FCHSD1: variants seen among roughly 807,000 people sequenced by gnomAD.
The protein encoded by FCHSD1 is FCH and double SH3 domains 1.
Under a neutral mutation model 101.3 loss-of-function variants are expected in FCHSD1, and 109 were observed. The ratio of observed to expected loss-of-function variants is 1.08; its 90% CI spans 0.92 to 1.26. FCHSD1 has a LOEUF of 1.26. Ranked by LOEUF, FCHSD1 falls within the 50% of genes most tolerant of loss-of-function variation. FCHSD1 has a pLI of 0.00. For missense variants in FCHSD1, 820 were observed against 895.8 expected (o/e 0.92, Z 1.08); for synonymous variants, 291 against 356.8 (o/e 0.82, Z 2.08).
Position 141,639,601 on chromosome 5 carries a change from G to GA in FCHSD1, c.*1896dup. 1 of 1,613,710 alleles carries GA rather than the reference G, an allele frequency of 6.2e-7. No individual in the cohort carries two copies. Among genetic ancestry groups the GA allele is most frequent in the Non-Finnish European group, 8.5e-7 (1 of 1,179,954 alleles). ...GTCCGTCAGGGACGCTCCAAGGAAG[G>GA]AAAAAGCCGCCCCCGGACAGGGGAG... On this transcript the variant is annotated 3_prime_UTR_variant, in exon 20 of 20. Transcript: ENST00000435817. The surrounding 1 kb of genome is among the most constrained non-coding windows in gnomAD (Gnocchi z 4.4).
At position 141,651,358 on chromosome 5, in the gene FCHSD1, G is replaced by A. The variant is rs2099908394; in HGVS notation, c.11C>T (p.Pro4Leu). The stretch of plus-strand genomic sequence containing the variant: ...CAGGGCCAAGCTCACTTTTCGGGGC[G>A]GCGGCTGCATCTCCGCTCCAGCAAG... MQP[P>L]PRKVKPAQEV... Residue 4 changes from proline to leucine, a missense_variant, in exon 1 of 20, where the codon CCG becomes CTG. By Grantham distance (98) the Pro-to-Leu change is moderately conservative. Coordinates refer to ENST00000435817, the MANE Select transcript of FCHSD1 (RefSeq NM_033449.3). 1 of 1,553,920 alleles carries A rather than the reference G, an allele frequency of 6.4e-7. No homozygotes were observed. Among genetic ancestry groups the A allele is most frequent in the Non-Finnish European group, 8.7e-7 (1 of 1,148,350 alleles).
Position 141,644,846 on chromosome 5 carries a change from GTCCCATACCCA to G in FCHSD1, c.1524+2_1524+12del. On this transcript the variant is annotated splice_donor_variant and splice_donor_5th_base_variant and intron_variant, in intron 15 of 19. Transcript: ENST00000435817. LOFTEE classifies it high-confidence loss of function. ...CCCCAACCCAAGGTCAGAGCCCGGGGTCCCATACCCACCTTGACCCATTCGTCAGCATCTCC... is the reference window on the plus strand; with the variant it reads ...CCCCAACCCAAGGTCAGAGCCCGGGGCCTTGACCCATTCGTCAGCATCTCC... 6.2e-7 allele frequency: 1 copy of G among 1,612,854 alleles called. No individual in the cohort carries two copies. The highest frequency in any genetic ancestry group is 8.5e-7 in the Non-Finnish European group (1 of 1,179,568).
intron 2 of FCHSD1, 102 bp from the exon 3 acceptor site, chr5:141,650,506 G>A (rs2154598525): frequency 7.2e-7 from 1 of 1,381,522 alleles, no homozygotes; most frequent in Non-Finnish European, 1.0e-6. Flanking sequence ...GAGCGGTTGG[G>A]GGGAGCCAGG....
In FCHSD1 at chr5:141,644,892, G is replaced by A; in HGVS notation, c.1491C>T (p.Val497=). The A allele has an allele frequency of 6.2e-7, 1 of 1,613,724 alleles. No homozygotes were observed. The highest frequency in any genetic ancestry group is 1.1e-5 in the South Asian group (1 of 91,042). Residue 497 remains valine, a synonymous_variant, in exon 15 of 20, where the codon GTC becomes GTT. Transcript: ENST00000435817. ...ATTCGTCAGCATCTCCCTCCTCTAT[G>A]ACCTCCAGCCACTCACCCTCCGTGA... ...LTITEGEWLE[V]IEEGDADEWV...
Position 141,640,718 on chromosome 5 carries a change from G to T in FCHSD1, c.*780C>A. On this transcript the variant is annotated 3_prime_UTR_variant, in exon 20 of 20. Transcript: ENST00000435817. ...CTACCAGCTGGCAGGGCCAGGGGGT[G>T]GGTGGGCGTGAAAGCCCTCCCCTCC... The T allele has an allele frequency of 6.6e-7, 1 of 1,524,472 alleles. No individual in the cohort carries two copies. The highest frequency in any genetic ancestry group is 1.2e-5 in the South Asian group (1 of 82,892). The allele number at this position is 1,524,472 out of a possible 1,614,324, so 94.4% of individuals were successfully genotyped here.
Position 141,641,763 on chromosome 5 carries a change from A to T in FCHSD1, c.1952-6T>A, listed in dbSNP as rs780126795. On this transcript the variant is annotated splice_polypyrimidine_tract_variant and splice_region_variant and intron_variant, in intron 18 of 19. Transcript: ENST00000435817. ...AGGGAAGTCCAGGGCTTTGTCTGGA[A>T]ATAAGAACCACAAGTCAGTCTTCAG... is the stretch of plus-strand genomic sequence containing the variant. 6.2e-7 allele frequency: 1 copy of T among 1,614,012 alleles called. No individual in the cohort carries two copies. The highest frequency in any genetic ancestry group is 8.5e-7 in the Non-Finnish European group (1 of 1,179,890).
Position 141,645,784 on chromosome 5 carries a change from T to G in FCHSD1, c.1298A>C (p.Asp433Ala). 1 of 1,610,752 alleles carries G rather than the reference T, an allele frequency of 6.2e-7. No individual in the cohort carries two copies. The highest frequency in any genetic ancestry group is 2.2e-5 in the East Asian group (1 of 44,744). Residue 433 changes from aspartate to alanine, a missense_variant, in exon 13 of 20, where the codon GAC (aspartate) becomes GCC (alanine). By Grantham distance (126) the Asp-to-Ala change is moderately radical. Coordinates refer to ENST00000435817, the MANE Select transcript of FCHSD1 (RefSeq NM_033449.3). Reference protein sequence around the residue: ...RLSEARLSQRDLSPTAEDAEL... With the variant: ...RLSEARLSQRALSPTAEDAEL... ...GGAGGAGCTCACGGTTGGAGAGAGG[T>G]CCCTCTGGGACAGCCGAGCCTCACT...
intron 18 of FCHSD1, chr5:141,642,105 G>C (rs1490974849): frequency 2.9e-5 from 15 of 509,862 alleles, no homozygotes; most frequent in Non-Finnish European, 5.2e-5. Flanking sequence ...TCCAGGGAGG[G>C]AGACTCCTTG....
At chr5:141,650,930 C>T (rs2099908308) in intron 2 of FCHSD1, 90 bp downstream of exon 2, 2 of 1,290,622 alleles carry the variant, frequency 1.5e-6, no homozygotes, top group East Asian at 2.5e-5. Context: ...GCTCTTGGCC[C>T]CTGTTCCTCC....
intron 18 of FCHSD1, chr5:141,642,488 C>T: frequency 1.6e-6 from 1 of 625,648 alleles, no homozygotes; most frequent in South Asian, 1.8e-5. Context: ...CAAACAAGCA[C>T]ATGTACCTCC....
rs950238702 is a variant in FCHSD1 at position 141,641,289 on chromosome 5, C to T, written c.*209G>A. On this transcript the variant is annotated 3_prime_UTR_variant, in exon 20 of 20. Coordinates refer to ENST00000435817, the MANE Select transcript of FCHSD1 (RefSeq NM_033449.3). ...GTCATGACAGAAGAGAAGGTAGTTC[C>T]GGTCCTAGAGATGATAGAACAATGG... 4.9e-5 allele frequency: 23 copies of T among 469,720 alleles called. No individual in the cohort carries two copies. Among genetic ancestry groups the T allele is most frequent in the Admixed American group, 7.6e-5 (2 of 26,320 alleles). 29.1% of individuals were successfully genotyped at this position (469,720 alleles called of 1,614,324 possible).
chr5:141,651,298 C>T (rs2099908382), intron 1 of FCHSD1, 50 bp downstream of exon 1: 2 of 1,551,398 alleles, frequency 1.3e-6, no homozygotes, highest in Non-Finnish European at 1.7e-6. Context: ...CCCCTTAGCT[C>T]CCTCCGTTCC....
In FCHSD1 at chr5:141,647,964, T is replaced by A. The variant is rs370287330; in HGVS notation, c.705+4A>T. ...GGGATAGGGGTGTCTGGGTTAAAAC[T>A]GGCCTTGAGCAGAGCTGGCAGTTCC... On this transcript the variant is annotated splice_donor_region_variant and intron_variant, in intron 8 of 19. Transcript: ENST00000435817. 5 of 1,612,552 alleles carry A rather than the reference T, an allele frequency of 3.1e-6. No homozygotes were observed. The highest frequency in any genetic ancestry group is 1.3e-5 in the African/African-American group (1 of 75,020).
chr5:141,644,730 C>G (rs147101461), intron 15 of FCHSD1, 40 bp from the exon 16 acceptor site: 1 of 1,611,706 alleles, frequency 6.2e-7, no homozygotes, highest in East Asian at 2.2e-5. Context: ...AGACTTACCT[C>G]AGCAGTCCAT....
chr5:141,640,418 C>A lies in FCHSD1; in HGVS notation c.*1080G>T, dbSNP rs1385805923. 3.1e-6 allele frequency: 5 copies of A among 1,614,064 alleles called. No homozygotes were observed. Among genetic ancestry groups the A allele is most frequent in the Non-Finnish European group, 3.4e-6 (4 of 1,180,028 alleles). Reference sequence around the variant, plus strand: ...CCCCTCCCCTTTCTCTCAGGTGTCTCTACCACAGGGAGCAGGGAGTATGTG... The same window carrying A: ...CCCCTCCCCTTTCTCTCAGGTGTCTATACCACAGGGAGCAGGGAGTATGTG... On this transcript the variant is annotated 3_prime_UTR_variant, in exon 20 of 20. Coordinates refer to ENST00000435817, the MANE Select transcript of FCHSD1 (RefSeq NM_033449.3).
chr5:141,641,895 A>G lies in FCHSD1; in HGVS notation c.1952-138T>C, dbSNP rs182135521. On this transcript the variant is annotated intron_variant, in intron 18 of 19. Transcript: ENST00000435817. Reference sequence around the variant, plus strand: ...CCTAGACCATAAAATCCATCACTCTATCCACTGTCCTCAACATTTATTGGG... The same window carrying G: ...CCTAGACCATAAAATCCATCACTCTGTCCACTGTCCTCAACATTTATTGGG... The G allele has an allele frequency of 4.6e-6, 4 of 868,388 alleles. No homozygotes were observed. In the East Asian group the frequency reaches 7.9e-5, roughly 17 times the overall value. The allele number at this position is 868,388 out of a possible 1,614,324, so 53.8% of individuals were successfully genotyped here.
chr5:141,647,956 G>A lies in FCHSD1; in HGVS notation c.705+12C>T, dbSNP rs761897649. The A allele has an allele frequency of 6.8e-5, 110 of 1,611,774 alleles. No homozygotes were observed. Among genetic ancestry groups the A allele is most frequent in the Non-Finnish European group, 9.0e-5 (106 of 1,179,042 alleles). On this transcript the variant is annotated intron_variant, in intron 8 of 19. Coordinates refer to ENST00000435817, the MANE Select transcript of FCHSD1 (RefSeq NM_033449.3). ...CCTGCTGAGGGATAGGGGTGTCTGGGTTAAAACTGGCCTTGAGCAGAGCTG... is the reference window on the plus strand; with the variant it reads ...CCTGCTGAGGGATAGGGGTGTCTGGATTAAAACTGGCCTTGAGCAGAGCTG...
At position 141,639,799 on chromosome 5, in the gene FCHSD1, G is replaced by C; in HGVS notation, c.*1699C>G. 1.5e-6 allele frequency: 2 copies of C among 1,296,208 alleles called. No homozygotes were observed. The highest frequency in any genetic ancestry group is 2.2e-6 in the Non-Finnish European group (2 of 915,632). 80.3% of individuals were successfully genotyped at this position (1,296,208 alleles called of 1,614,324 possible). ...ACAATGTGCCCCACAATCTGAGAAG[G>C]CCTCCCCTACCTTAGGCCAGAGGGA... On this transcript the variant is annotated 3_prime_UTR_variant, in exon 20 of 20. Transcript: ENST00000435817. The surrounding 1 kb of genome is among the most constrained non-coding windows in gnomAD (Gnocchi z 4.4).
chr5:141,649,662 G>A lies in FCHSD1; in HGVS notation c.234-126C>T. ...CTTTCCCATCCTCCCTTGTCTGGGA[G>A]CCCATCAATCGATCAGCCCATTAGC... On this transcript the variant is annotated intron_variant, in intron 4 of 19. Coordinates refer to ENST00000435817, the MANE Select transcript of FCHSD1 (RefSeq NM_033449.3). This position sits in a 1 kb window ranked among gnomAD's most constrained non-coding sequence, Gnocchi z 4.1. 12 of 1,351,110 alleles carry A rather than the reference G, an allele frequency of 8.9e-6. No individual in the cohort carries two copies. Among genetic ancestry groups the A allele is most frequent in the Non-Finnish European group, 1.2e-5 (12 of 1,010,808 alleles). 83.7% of individuals were successfully genotyped at this position (1,351,110 alleles called of 1,614,324 possible).
Sources: gnomAD v4.1 joint callset for allele counts on GRCh38, gnomAD v4.1.1 for gene constraint, Gnocchi (gnomAD v3.1) non-coding constraint, MANE v1.5 for transcripts, NCBI Gene and HGNC (gene_info 2026-07-23, HGNC 2026-07-21) for gene names.